The following WDFY2 variants were observed in gnomAD, a reference collection of about 807,000 sequenced individuals.
The protein encoded by WDFY2 is WD repeat and FYVE domain containing 2, also known as WD repeat and FYVE domain-containing protein 2.
Under a neutral mutation model 56.4 loss-of-function variants are expected in WDFY2, and 36 were observed. The observed-to-expected ratio is 0.64, with a 90% CI of 0.49 to 0.84. The LOEUF (loss-of-function observed/expected upper bound fraction) is 0.84, where lower values mean the gene tolerates loss of function less well. WDFY2 is among the 40% of genes least tolerant of loss of function. The probability of loss-of-function intolerance (pLI) is 0.00; values close to 1 mark genes in which losing one functional copy is unlikely to be tolerated. For missense variants in WDFY2, 444 were observed against 512.2 expected, an observed-to-expected ratio of 0.87 and a Z score of 1.29; for synonymous variants, 176 against 183.7, an observed-to-expected ratio of 0.96 and a Z score of 0.34.
chr13:51,702,561 C>G (rs942527212), intron 3 of WDFY2, among the ~76,000 whole-genome samples: 13 of 152,134 alleles, frequency 8.5e-5, no homozygotes, highest in Non-Finnish European at 1.5e-4. Context: ...TCTCTCACAT[C>G]ATCTCCTACT....
intron 2 of WDFY2, among the ~76,000 whole-genome samples, chr13:51,670,757 G>GA (rs1194668264): frequency 6.6e-6 from 1 of 151,906 alleles, no homozygotes; most frequent in African/African-American, 2.4e-5. Context: ...GGTTTTTGGG[G>GA]AACAGGTGGT....
intron 1 of WDFY2, among the ~76,000 whole-genome samples, chr13:51,651,002 C>T (rs1593934545): frequency 6.6e-6 from 1 of 152,202 alleles, no homozygotes; most frequent in African/African-American, 2.4e-5. Flanking sequence ...CCAGCTCCTC[C>T]TTGTACCTCT....
At chr13:51,657,659 T>G (rs535699042) in intron 1 of WDFY2, among the ~76,000 whole-genome samples, 40 of 152,296 alleles carry the variant, frequency 2.6e-4, no homozygotes, top group African/African-American at 9.6e-4. Flanking sequence ...TTTTTCTTTC[T>G]TCTTCTCAGA....
intron 11 of WDFY2, 73 bp from the exon 12 acceptor site, chr13:51,759,667 A>G: frequency 6.8e-7 from 1 of 1,475,572 alleles, no homozygotes; most frequent in Middle Eastern, 1.9e-4. Flanking sequence ...ATTTCCTTGA[A>G]GAATTCAGTT....
intron 3 of WDFY2, among the ~76,000 whole-genome samples, chr13:51,695,572 T>C (rs1951851124): frequency 1.3e-5 from 2 of 152,166 alleles, no homozygotes; most frequent in African/African-American, 2.4e-5. Flanking sequence ...CCCAGCTGTG[T>C]GAGGTGTCAG....
chr13:51,695,598 G>A (rs1014906286), intron 3 of WDFY2, among the ~76,000 whole-genome samples: 8 of 152,334 alleles, frequency 5.3e-5, no homozygotes, highest in Non-Finnish European at 1.0e-4. Context: ...CCCTACTGGG[G>A]GGTGCCTCCC....
At chr13:51,756,990 G>A (rs191768681) in intron 10 of WDFY2, among the ~76,000 whole-genome samples, 1 of 152,328 alleles carries the variant, frequency 6.6e-6, no homozygotes, top group East Asian at 1.9e-4. Flanking sequence ...CTGTGGAGGT[G>A]TGGGGGCAAA....
intron 7 of WDFY2, among the ~76,000 whole-genome samples, chr13:51,745,709 C>G (rs1200837119): frequency 6.4e-5 from 8 of 124,482 alleles, no homozygotes; most frequent in African/African-American, 2.1e-4. Context: ...CCCCTGTGAT[C>G]GTAATAATCT....
intron 1 of WDFY2, among the ~76,000 whole-genome samples, chr13:51,620,412 A>G (rs1373442267): frequency 2.0e-5 from 3 of 151,588 alleles, no homozygotes; most frequent in Admixed American, 2.0e-4. Context: ...TTGCTTGGCC[A>G]TGCCTGGTGG....
intron 1 of WDFY2, chr13:51,590,408 C>G (rs1202345697): frequency 6.6e-6 from 1 of 152,134 alleles, no homozygotes; most frequent in African/African-American, 2.4e-5. Context: ...TGCACAGCAT[C>G]TTTCTCTGGC....
intron 1 of WDFY2, among the ~76,000 whole-genome samples, chr13:51,644,510 A>G (rs1373781138): frequency 6.6e-6 from 1 of 152,218 alleles, no homozygotes; most frequent in East Asian, 1.9e-4. Flanking sequence ...CTTTGGATTA[A>G]GAGAAATGAC....
chr13:51,600,935 C>T (rs910827758), intron 1 of WDFY2, among the ~76,000 whole-genome samples: 2 of 152,118 alleles, frequency 1.3e-5, no homozygotes, highest in Non-Finnish European at 2.9e-5. Context: ...GTTCAGATGG[C>T]CATTTTCTCA....
intron 4 of WDFY2, among the ~76,000 whole-genome samples, chr13:51,717,478 A>G (rs1952382330): frequency 6.6e-6 from 1 of 152,056 alleles, no homozygotes; most frequent in South Asian, 2.1e-4. Flanking sequence ...TCAGAGGACT[A>G]AAGCCCCTTA....
chr13:51,654,441 A>G (rs867485073), intron 1 of WDFY2, among the ~76,000 whole-genome samples: 3 of 152,190 alleles, frequency 2.0e-5, no homozygotes, highest in African/African-American at 7.2e-5. Context: ...CCCCAGTGAG[A>G]TGAACCTGGT....
At chr13:51,618,481 C>T (rs1566316782) in intron 1 of WDFY2, among the ~76,000 whole-genome samples, 1 of 152,188 alleles carries the variant, frequency 6.6e-6, no homozygotes. Context: ...TAATGAATGC[C>T]TGTGTATGTG....
intron 1 of WDFY2, among the ~76,000 whole-genome samples, chr13:51,657,930 A>G (rs979050827): frequency 3.3e-5 from 5 of 152,022 alleles, no homozygotes; most frequent in African/African-American, 7.2e-5. Flanking sequence ...TAGCTTCTTC[A>G]TGGATGGTTT....
chr13:51,633,818 T>TC (rs1159403553), intron 1 of WDFY2, among the ~76,000 whole-genome samples: 3 of 152,184 alleles, frequency 2.0e-5, no homozygotes, highest in African/African-American at 7.2e-5. Context: ...AATTCATTTG[T>TC]CCCCCTATGA....
chr13:51,598,146 G>A (rs1291569203), intron 1 of WDFY2, among the ~76,000 whole-genome samples: 2 of 152,108 alleles, frequency 1.3e-5, no homozygotes, highest in Non-Finnish European at 2.9e-5. Context: ...GATCACCTGA[G>A]TTCAGGAGTT....
intron 3 of WDFY2, among the ~76,000 whole-genome samples, chr13:51,689,885 T>C (rs1956122657): frequency 6.6e-6 from 1 of 152,208 alleles, no homozygotes; most frequent in Non-Finnish European, 1.5e-5. Context: ...AACTGTGATC[T>C]GTGAGATGAA....
Sources: gnomAD v4.1 joint callset for allele counts (sites outside exome capture counted in the v4.1 genomes callset) on GRCh38, gnomAD v4.1.1 for gene constraint, MANE v1.5 for transcripts, NCBI Gene and HGNC (gene_info 2026-07-23, HGNC 2026-07-21) for gene names.